Variants in THSD7A observed in about 807,000 individuals in gnomAD.
The protein encoded by THSD7A is thrombospondin type 1 domain containing 7A.
A neutral mutation model predicts 231.3 loss-of-function variants in THSD7A; 96 were observed. That is an observed-to-expected ratio of 0.41 (90% CI 0.35 to 0.49). The LOEUF (loss-of-function observed/expected upper bound fraction) is 0.49, where lower values mean the gene tolerates loss of function less well. Among genes scored for constraint, THSD7A ranks in the 20% least tolerant of loss-of-function variants. The probability of loss-of-function intolerance (pLI) is 0.05; values close to 1 mark genes in which losing one functional copy is unlikely to be tolerated. For synonymous variants in THSD7A, 940 were observed against 743.3 expected, an observed-to-expected ratio of 1.26 and a Z score of -4.30; for missense variants, 2,290 against 2,070.2, an observed-to-expected ratio of 1.11 and a Z score of -2.06.
chr7:11,778,156 C>CAAAAAAAAAAAAAAAAAAA (rs57740181), intron 1 of THSD7A, among the ~76,000 whole-genome samples: 33 of 45,048 alleles, frequency 7.3e-4, no homozygotes, highest in South Asian at 1.3e-3. Flanking sequence ...GACTCCGTCT[C>CAAAAAAAAAAAAAAAAAAA]AAAAAAAAAA....
chr7:11,766,989 A>G (rs559977933), intron 1 of THSD7A, among the ~76,000 whole-genome samples: 1 of 152,264 alleles, frequency 6.6e-6, no homozygotes, highest in South Asian at 2.1e-4. Context: ...TTTCTAGAAA[A>G]TGCAAATTGA....
At chr7:11,409,746 G>A (rs1676475661) in intron 19 of THSD7A, among the ~76,000 whole-genome samples, 1 of 148,238 alleles carries the variant, frequency 6.7e-6, no homozygotes, top group Non-Finnish European at 1.5e-5. Context: ...TAATACTGAT[G>A]TTCTTTTTTT....
intron 1 of THSD7A, among the ~76,000 whole-genome samples, chr7:11,639,550 C>A (rs1230155802): frequency 6.6e-6 from 1 of 151,986 alleles, no homozygotes; most frequent in Non-Finnish European, 1.5e-5. Flanking sequence ...GCGCTGTAGT[C>A]CTAGCTACTC....
chr7:11,571,387 C>T (rs957748864), intron 4 of THSD7A, among the ~76,000 whole-genome samples: 7 of 152,214 alleles, frequency 4.6e-5, no homozygotes, highest in African/African-American at 1.7e-4. Flanking sequence ...TGAGCTACTG[C>T]TGAATTTCAT....
At chr7:11,515,174 A>G (rs959023387) in intron 6 of THSD7A, among the ~76,000 whole-genome samples, 1 of 152,184 alleles carries the variant, frequency 6.6e-6, no homozygotes, top group Admixed American at 6.5e-5. Flanking sequence ...ACATTTCACT[A>G]TGATTTTAGT....
At chr7:11,457,777 C>G (rs187539992) in intron 11 of THSD7A, among the ~76,000 whole-genome samples, 125 of 152,202 alleles carry the variant, frequency 8.2e-4, no homozygotes, top group African/African-American at 2.8e-3. Context: ...TTTCTTACCT[C>G]AAACACTTAG....
At chr7:11,483,910 G>C (rs1407440527) in intron 6 of THSD7A, among the ~76,000 whole-genome samples, 1 of 152,100 alleles carries the variant, frequency 6.6e-6, no homozygotes, top group African/African-American at 2.4e-5. Flanking sequence ...CATTAGATTA[G>C]CTTGCCTAGC....
chr7:11,582,506 T>C (rs547174483), intron 4 of THSD7A, among the ~76,000 whole-genome samples: 12 of 152,236 alleles, frequency 7.9e-5, no homozygotes, highest in Admixed American at 5.2e-4. Flanking sequence ...AATTAGACTA[T>C]CCATGGGTTT....
intron 10 of THSD7A, among the ~76,000 whole-genome samples, chr7:11,461,464 G>A (rs535039302): frequency 2.6e-5 from 4 of 152,096 alleles, no homozygotes; most frequent in African/African-American, 9.7e-5. Flanking sequence ...TTAATCATAA[G>A]GAGGTAAAAT....
chr7:11,645,831 G>T (rs1782258386), intron 1 of THSD7A, among the ~76,000 whole-genome samples: 1 of 151,816 alleles, frequency 6.6e-6, no homozygotes, highest in South Asian at 2.1e-4. Flanking sequence ...CTGTCCAGTA[G>T]TTCAATCTCT....
chr7:11,748,304 G>A (rs1185761567), intron 1 of THSD7A, among the ~76,000 whole-genome samples: 1 of 151,962 alleles, frequency 6.6e-6, no homozygotes, highest in Non-Finnish European at 1.5e-5. Context: ...TGGGTAACAG[G>A]AGAGTGAGAT....
chr7:11,411,645 A>AAAT lies in THSD7A; in HGVS notation c.3683-326_3683-324dup, dbSNP rs1783790732. Among the ~76,000 whole-genome samples, 1 of 152,220 alleles carries AAAT rather than the reference A, an allele frequency of 6.6e-6. No individual in the cohort carries two copies. The highest frequency in any genetic ancestry group is 2.4e-5 in the African/African-American group (1 of 41,454). ...ACTTAAAAACTTTCTTTCCCAATAA[A>AAAT]AATATAATTTAAAATCTTAGCATTA... On this transcript the variant is annotated intron_variant, in intron 18 of 27. Transcript: ENST00000423059. This position sits in a 1 kb window ranked among gnomAD's most constrained non-coding sequence, Gnocchi z 4.1.
At chr7:11,486,824 C>T (rs1786679231) in intron 6 of THSD7A, among the ~76,000 whole-genome samples, 1 of 152,132 alleles carries the variant, frequency 6.6e-6, no homozygotes, top group Non-Finnish European at 1.5e-5. Context: ...ATAAACAAAC[C>T]TGCCAAAATA....
intron 1 of THSD7A, among the ~76,000 whole-genome samples, chr7:11,804,683 C>A (rs1407903156): frequency 6.6e-6 from 1 of 152,158 alleles, no homozygotes; most frequent in Non-Finnish European, 1.5e-5. Context: ...TAAGGCATTA[C>A]ATTTCTCTCT....
At chr7:11,447,772 G>A (rs541438724) in intron 11 of THSD7A, among the ~76,000 whole-genome samples, 5 of 152,226 alleles carry the variant, frequency 3.3e-5, no homozygotes, top group African/African-American at 1.2e-4. Context: ...ACCATACGTG[G>A]GTTCTGATAA....
chr7:11,658,642 TTTACTTATATTTCCAA>T (rs1374386028), intron 1 of THSD7A, among the ~76,000 whole-genome samples: 1 of 151,708 alleles, frequency 6.6e-6, no homozygotes, highest in Admixed American at 6.6e-5. Flanking sequence ...TAGGGGACTC[TTTACTTATATTTCCAA>T]AGGCTGAATA....
At position 11,831,603 on chromosome 7, in the gene THSD7A, G is replaced by C. The variant is rs912802195; in HGVS notation, c.190+154C>G. 6.6e-6 allele frequency among the ~76,000 whole-genome samples: 1 copy of C among 152,162 alleles called. No individual in the cohort carries two copies. Among genetic ancestry groups the C allele is most frequent in the African/African-American group, 2.4e-5 (1 of 41,448 alleles). ...TTTCTTTCCTAATTGCATCGGACAT[G>C]ACCTATTTGCTTCCTAAGAAATCAT... On this transcript the variant is annotated intron_variant, in intron 1 of 27. Coordinates refer to ENST00000423059, the MANE Select transcript of THSD7A (RefSeq NM_015204.3). The surrounding 1 kb of genome is among the most constrained non-coding windows in gnomAD (Gnocchi z 5.0).
intron 1 of THSD7A, among the ~76,000 whole-genome samples, chr7:11,663,055 T>G (rs1782990887): frequency 6.7e-6 from 1 of 150,356 alleles, no homozygotes; most frequent in Admixed American, 6.7e-5. Flanking sequence ...AGAGAAATAC[T>G]AAGAGTAAAA....
chr7:11,817,565 T>G (rs1227622653), intron 1 of THSD7A, among the ~76,000 whole-genome samples: 1 of 151,914 alleles, frequency 6.6e-6, no homozygotes, highest in Non-Finnish European at 1.5e-5. Context: ...GGAATCAAAG[T>G]AAAAAAGGAA....
Sources: gnomAD v4.1 joint callset for allele counts (sites outside exome capture counted in the v4.1 genomes callset) on GRCh38, gnomAD v4.1.1 for gene constraint, Gnocchi (gnomAD v3.1) non-coding constraint, MANE v1.5 for transcripts, NCBI Gene and HGNC (gene_info 2026-07-23, HGNC 2026-07-21) for gene names.